The following GABRG3 variants were observed in gnomAD, a reference collection of about 807,000 sequenced individuals.
GABRG3 encodes gamma-aminobutyric acid receptor subunit gamma-3.
A neutral mutation model predicts 48.8 loss-of-function variants in GABRG3; 25 were observed. The observed-to-expected ratio is 0.51, with a 90% CI of 0.37 to 0.72. The LOEUF is 0.72. Ranked by LOEUF, GABRG3 falls within the 30% of genes least tolerant of loss-of-function variation. The pLI is 0.00. For synonymous variants in GABRG3, 227 were observed against 217.6 expected (o/e 1.04, Z -0.38); for missense variants, 394 against 577.9 (o/e 0.68, Z 3.26).
At chr15:27,133,151 A>G (rs1253074224) in intron 3 of GABRG3, among the ~76,000 whole-genome samples, 2 of 151,936 alleles carry the variant, frequency 1.3e-5, no homozygotes, top group African/African-American at 4.8e-5. Context: ...TTATTCTATT[A>G]TTGAGATTTT....
At chr15:27,270,295 A>AT in intron 3 of GABRG3, among the ~76,000 whole-genome samples, 1 of 150,558 alleles carries the variant, frequency 6.6e-6, no homozygotes, top group Admixed American at 6.6e-5. Context: ...CTGATAATTG[A>AT]TTTTTGTGTG....
chr15:27,161,797 T>A (rs1887201243), intron 3 of GABRG3, among the ~76,000 whole-genome samples: 1 of 152,070 alleles, frequency 6.6e-6, no homozygotes, highest in South Asian at 2.1e-4. Flanking sequence ...ATTAGAAAAA[T>A]TAGTTTAAAG....
At chr15:27,198,944 A>G (rs533592659) in intron 3 of GABRG3, among the ~76,000 whole-genome samples, 111 of 152,210 alleles carry the variant, frequency 7.3e-4, no homozygotes, top group African/African-American at 2.5e-3. Flanking sequence ...GAGTTGAACA[A>G]TGAGAACCTA....
At position 26,976,891 on chromosome 15, in the gene GABRG3, G is replaced by C; in HGVS notation, c.54-111G>C. 1 of 1,015,786 alleles carries C rather than the reference G, an allele frequency of 9.8e-7. No individual in the cohort carries two copies. The highest frequency in any genetic ancestry group is 1.4e-5 in the South Asian group (1 of 69,100). 62.9% of individuals were successfully genotyped at this position (1,015,786 alleles called of 1,614,324 possible). A position where few individuals can be genotyped will look rare whatever the true frequency, so the allele number is the denominator to read the frequency against. On this transcript the variant is annotated intron_variant, in intron 1 of 9. Transcript: ENST00000615808. This position sits in a 1 kb window ranked among gnomAD's most constrained non-coding sequence, Gnocchi z 7.8. ...GTTTTCACGTGTGTGGTTGGGCTGT[G>C]GGTACTGGGGACTTTCTACCCATTT...
intron 3 of GABRG3, chr15:27,157,785 A>C (rs1898471674): frequency 1.3e-5 from 2 of 152,354 alleles, no homozygotes; most frequent in Admixed American, 1.3e-4. Flanking sequence ...ACAACAGACA[A>C]GGCACAATAT....
chr15:27,099,914 A>G (rs1366741875), intron 3 of GABRG3, among the ~76,000 whole-genome samples: 3 of 152,086 alleles, frequency 2.0e-5, no homozygotes, highest in Non-Finnish European at 2.9e-5. Context: ...TAAATTTGAC[A>G]TTATTCTAAA....
intron 3 of GABRG3, among the ~76,000 whole-genome samples, chr15:27,121,214 G>A (rs749202712): frequency 6.6e-6 from 1 of 152,204 alleles, no homozygotes; most frequent in Non-Finnish European, 1.5e-5. Flanking sequence ...TATTCTGGAA[G>A]CTGGTTAATT....
Position 27,205,369 on chromosome 15 carries a change from A to G in GABRG3, c.271-121440A>G, listed in dbSNP as rs915820686. On this transcript the variant is annotated intron_variant, in intron 3 of 9. Coordinates refer to ENST00000615808, the MANE Select transcript of GABRG3 (RefSeq NM_033223.5). ...TGATGAATCACATTTATTGATTTGC[A>G]TATGTTGAAGCAATGTTGCATCCCA... 2.0e-5 allele frequency among the ~76,000 whole-genome samples: 3 copies of G among 151,968 alleles called. No homozygotes were observed. The South Asian group carries it at 6.2e-4, about 32-fold the overall frequency.
At chr15:27,231,739 A>C (rs984382) in intron 3 of GABRG3, among the ~76,000 whole-genome samples, 25,401 of 152,110 alleles carry the variant, frequency 0.17, 2,827 homozygotes, top group East Asian at 0.41. Flanking sequence ...CATTTGTTTG[A>C]TATTGTAACA....
At chr15:27,439,403 T>C (rs1378320383) in intron 5 of GABRG3, among the ~76,000 whole-genome samples, 1 of 152,238 alleles carries the variant, frequency 6.6e-6, no homozygotes, top group African/African-American at 2.4e-5. Flanking sequence ...TTCCAGTAGA[T>C]AATACACTGT....
intron 5 of GABRG3, among the ~76,000 whole-genome samples, chr15:27,474,548 C>A (rs961715675): frequency 6.6e-6 from 1 of 152,138 alleles, no homozygotes; most frequent in Non-Finnish European, 1.5e-5. Flanking sequence ...GCTCTGTGTT[C>A]CCAGCTTCAT....
chr15:27,099,397 A>C (rs1330100431), intron 3 of GABRG3, among the ~76,000 whole-genome samples: 3 of 152,154 alleles, frequency 2.0e-5, no homozygotes, highest in Non-Finnish European at 2.9e-5. Context: ...CTTGGTTCCT[A>C]GGTGGCTGTT....
intron 5 of GABRG3, among the ~76,000 whole-genome samples, chr15:27,330,627 A>G (rs1388467723): frequency 1.3e-5 from 2 of 152,268 alleles, no homozygotes; most frequent in Non-Finnish European, 2.9e-5. Context: ...CAATGCTGCC[A>G]GAAAGAATAG....
At chr15:27,506,408 T>C (rs1305643723) in intron 6 of GABRG3, among the ~76,000 whole-genome samples, 3 of 152,186 alleles carry the variant, frequency 2.0e-5, no homozygotes, top group Non-Finnish European at 4.4e-5. Flanking sequence ...GGATATGGTC[T>C]TGCTGGCTTA....
intron 3 of GABRG3, among the ~76,000 whole-genome samples, chr15:27,296,413 TG>T (rs1201668568): frequency 2.0e-5 from 3 of 152,114 alleles, no homozygotes; most frequent in Non-Finnish European, 4.4e-5. Flanking sequence ...TTATTGACAC[TG>T]GGTGCTAACT....
intron 5 of GABRG3, among the ~76,000 whole-genome samples, chr15:27,356,000 GT>G (rs1894825594): frequency 6.6e-6 from 1 of 152,112 alleles, no homozygotes; most frequent in East Asian, 1.9e-4. Flanking sequence ...AGATAGGGTT[GT>G]TTTTTGGAGT....
intron 6 of GABRG3, among the ~76,000 whole-genome samples, chr15:27,490,031 CTTGAG>C (rs1890311479): frequency 6.6e-6 from 1 of 152,056 alleles, no homozygotes; most frequent in Non-Finnish European, 1.5e-5. Context: ...TTTAATGTAT[CTTGAG>C]TTAATTCTTG....
intron 5 of GABRG3, among the ~76,000 whole-genome samples, chr15:27,339,613 G>A (rs1894096162): frequency 6.6e-6 from 1 of 152,170 alleles, no homozygotes; most frequent in Non-Finnish European, 1.5e-5. Flanking sequence ...TGAAGTAACA[G>A]GGCTTCAGTA....
intron 3 of GABRG3, among the ~76,000 whole-genome samples, chr15:27,256,496 G>A (rs147718070): frequency 2.6e-5 from 4 of 151,426 alleles, no homozygotes; most frequent in African/African-American, 4.9e-5. Flanking sequence ...TTAAGGGTAG[G>A]GGGGGCGGGG....
Sources: gnomAD v4.1 joint callset for allele counts (sites outside exome capture counted in the v4.1 genomes callset) on GRCh38, gnomAD v4.1.1 for gene constraint, Gnocchi (gnomAD v3.1) non-coding constraint, MANE v1.5 for transcripts, NCBI Gene and HGNC (gene_info 2026-07-23, HGNC 2026-07-21) for gene names.